The following NXPH1 variants were observed in gnomAD, a reference collection of about 807,000 sequenced individuals.
NXPH1 encodes the protein neurexophilin-1.
Under a neutral mutation model 23.7 loss-of-function variants are expected in NXPH1, and 5 were observed. That is an observed-to-expected ratio of 0.21 (90% confidence interval 0.11 to 0.44). The LOEUF is 0.44. NXPH1 is among the 20% of genes least tolerant of loss of function. NXPH1 has a pLI of 0.99. For synonymous variants in NXPH1, 144 were observed against 122.2 expected (o/e 1.18, Z -1.18); for missense variants, 324 against 321.6 (o/e 1.01, Z -0.06).
intron 2 of NXPH1, among the ~76,000 whole-genome samples, chr7:8,627,893 T>A (rs929739489): frequency 4.6e-5 from 7 of 151,980 alleles, no homozygotes; most frequent in Non-Finnish European, 7.4e-5. Flanking sequence ...TATAAAGGCA[T>A]ATTAGAAAAA....
At chr7:8,524,728 A>G (rs1817836347) in intron 2 of NXPH1, among the ~76,000 whole-genome samples, 1 of 152,150 alleles carries the variant, frequency 6.6e-6, no homozygotes, top group African/African-American at 2.4e-5. Flanking sequence ...AAGTCTCATG[A>G]GATCTGATGG....
intron 2 of NXPH1, among the ~76,000 whole-genome samples, chr7:8,711,633 G>A (rs1329399413): frequency 6.6e-6 from 1 of 152,136 alleles, no homozygotes; most frequent in Non-Finnish European, 1.5e-5. Flanking sequence ...TGGGGTATGG[G>A]AAGAAAGCTA....
intron 2 of NXPH1, among the ~76,000 whole-genome samples, chr7:8,670,843 G>A (rs1486610557): frequency 2.0e-5 from 3 of 152,162 alleles, no homozygotes; most frequent in African/African-American, 7.2e-5. Context: ...TTTGTGGTCT[G>A]GAAGGTTTTT....
At chr7:8,622,828 C>T (rs865856120) in intron 2 of NXPH1, among the ~76,000 whole-genome samples, 4 of 151,974 alleles carry the variant, frequency 2.6e-5, no homozygotes, top group Non-Finnish European at 5.9e-5. Flanking sequence ...CTCTGAGAAA[C>T]GATTAAATGA....
At chr7:8,473,412 G>A (rs1323796597) in intron 2 of NXPH1, among the ~76,000 whole-genome samples, 1 of 152,146 alleles carries the variant, frequency 6.6e-6, no homozygotes, top group Admixed American at 6.5e-5. Flanking sequence ...ATTCTTGACA[G>A]GATGATAGTC....
intron 2 of NXPH1, among the ~76,000 whole-genome samples, chr7:8,507,374 A>G (rs1390028503): frequency 6.6e-6 from 1 of 151,740 alleles, no homozygotes; most frequent in African/African-American, 2.4e-5. Context: ...AGGGATAGCC[A>G]CTATGATGAT....
intron 2 of NXPH1, among the ~76,000 whole-genome samples, chr7:8,532,518 G>A (rs1442561760): frequency 1.2e-4 from 18 of 151,580 alleles, no homozygotes; most frequent in Admixed American, 1.2e-3. Context: ...TAAAATATGA[G>A]TTTTTGAGCT....
chr7:8,638,938 G>C (rs772082621), intron 2 of NXPH1, among the ~76,000 whole-genome samples: 1 of 150,446 alleles, frequency 6.6e-6, no homozygotes, highest in Non-Finnish European at 1.5e-5. Context: ...AGAGGTTTAA[G>C]TTCCTTGACC....
chr7:8,546,327 A>G (rs561340279), intron 2 of NXPH1, among the ~76,000 whole-genome samples: 1 of 151,570 alleles, frequency 6.6e-6, no homozygotes, highest in African/African-American at 2.4e-5. Context: ...AGTATGTTCC[A>G]TCAGATCATT....
intron 2 of NXPH1, among the ~76,000 whole-genome samples, chr7:8,542,197 T>A (rs753086892): frequency 2.0e-5 from 3 of 151,554 alleles, no homozygotes; most frequent in Non-Finnish European, 4.4e-5. Context: ...ATATTTAATA[T>A]AAAAGTGGAT....
chr7:8,562,604 T>G (rs147722123), intron 2 of NXPH1, among the ~76,000 whole-genome samples: 2 of 151,760 alleles, frequency 1.3e-5, no homozygotes, highest in African/African-American at 4.8e-5. Flanking sequence ...CACATTCCTG[T>G]GCTTGAGTGA....
intron 2 of NXPH1, among the ~76,000 whole-genome samples, chr7:8,613,701 T>A (rs1388778919): frequency 6.6e-6 from 1 of 151,966 alleles, no homozygotes; most frequent in Non-Finnish European, 1.5e-5. Flanking sequence ...TTCAATATCT[T>A]AAGCCTTTGA....
chr7:8,469,735 T>A (rs188878290), intron 2 of NXPH1, among the ~76,000 whole-genome samples: 1 of 152,240 alleles, frequency 6.6e-6, no homozygotes, highest in African/African-American at 2.4e-5. Context: ...ACTATTACTA[T>A]TATTGCTAAC....
At chr7:8,672,947 T>A (rs1304738519) in intron 2 of NXPH1, among the ~76,000 whole-genome samples, 1 of 152,172 alleles carries the variant, frequency 6.6e-6, no homozygotes, top group Admixed American at 6.5e-5. Context: ...GAGGCAGACC[T>A]GGATTGGAAT....
chr7:8,454,174 A>G (rs1214206714), intron 2 of NXPH1, among the ~76,000 whole-genome samples: 1 of 152,066 alleles, frequency 6.6e-6, no homozygotes, highest in African/African-American at 2.4e-5. Context: ...AATAATCTAT[A>G]AAACAACTCC....
intron 2 of NXPH1, among the ~76,000 whole-genome samples, chr7:8,739,197 A>AC (rs1562471014): frequency 2.2e-5 from 3 of 137,474 alleles, no homozygotes; most frequent in Non-Finnish European, 4.8e-5. Context: ...AAAAAAAAAA[A>AC]AAAAAAACCC....
intron 2 of NXPH1, among the ~76,000 whole-genome samples, chr7:8,440,305 C>T (rs1291340200): frequency 6.6e-6 from 1 of 152,208 alleles, no homozygotes; most frequent in African/African-American, 2.4e-5. Context: ...CACTTTTCTG[C>T]CCCATTTCCA....
At chr7:8,726,104 A>G (rs1780048262) in intron 2 of NXPH1, among the ~76,000 whole-genome samples, 1 of 152,112 alleles carries the variant, frequency 6.6e-6, no homozygotes, top group Admixed American at 6.5e-5. Context: ...TTGGACTTCT[A>G]TTGGATAAGC....
At chr7:8,670,863 T>C (rs1237186587) in intron 2 of NXPH1, among the ~76,000 whole-genome samples, 1 of 152,190 alleles carries the variant, frequency 6.6e-6, no homozygotes, top group East Asian at 1.9e-4. Flanking sequence ...TCACTATGGG[T>C]TCCCCTCTGA....
Sources: gnomAD v4.1 joint callset for allele counts (sites outside exome capture counted in the v4.1 genomes callset) on GRCh38, gnomAD v4.1.1 for gene constraint, MANE v1.5 for transcripts, NCBI Gene and HGNC (gene_info 2026-07-23, HGNC 2026-07-21) for gene names.